The following DSCAML1 variants were observed in gnomAD, a reference collection of about 807,000 sequenced individuals.
The protein encoded by DSCAML1 is cell adhesion molecule DSCAML1.
DSCAML1 carries 38 observed loss-of-function variants against 200.5 expected under a neutral mutation model. That is an observed-to-expected ratio of 0.19 (90% CI 0.15 to 0.25). The LOEUF is 0.25. Ranked by LOEUF, DSCAML1 falls within the 10% of genes least tolerant of loss-of-function variation. The probability of loss-of-function intolerance (pLI) is 1.00; values close to 1 mark genes in which losing one functional copy is unlikely to be tolerated. For missense variants in DSCAML1, 2,223 were observed against 2,858.8 expected (o/e 0.78, Z 5.07); for synonymous variants, 1,215 against 1,165.0 (o/e 1.04, Z -0.87).
At chr11:117,756,980 T>C (rs773362694) in intron 3 of DSCAML1, among the ~76,000 whole-genome samples, 7 of 151,974 alleles carry the variant, frequency 4.6e-5, no homozygotes, top group East Asian at 1.9e-4. Context: ...GTGTGGGAGA[T>C]AGAAGAGGAT....
chr11:117,808,807 C>T (rs2055731081), intron 1 of DSCAML1, among the ~76,000 whole-genome samples: 1 of 152,210 alleles, frequency 6.6e-6, no homozygotes, highest in African/African-American at 2.4e-5. Context: ...CCTTGGTGAA[C>T]ACTGCTTCAT....
rs2049445613 is a variant in DSCAML1, at chr11:117,503,998, G to A, written c.2206C>T (p.His736Tyr). 1.2e-6 allele frequency: 2 copies of A among 1,614,144 alleles called. No homozygotes were observed. Among genetic ancestry groups the A allele is most frequent in the Non-Finnish European group, 1.7e-6 (2 of 1,180,016 alleles). Residue 736 changes from histidine (H) to tyrosine (Y), a missense_variant, in exon 11 of 33, where the codon CAC becomes TAC. Transcript: ENST00000651296. The surrounding 1 kb of genome is among the most constrained non-coding windows in gnomAD (Gnocchi z 5.2). ...ATGCGGCCAGTGAGGGGCACAGGGTGGTACTGCTGGGGGTTCCCGCTCCCT... is the reference window on the plus strand; with the variant it reads ...ATGCGGCCAGTGAGGGGCACAGGGTAGTACTGCTGGGGGTTCCCGCTCCCT... ...AKGSGNPQQY[H>Y]PVPLTGRIQI... is the part of the protein sequence containing the mutation.
chr11:117,740,420 A>T (rs1032657338), intron 3 of DSCAML1, among the ~76,000 whole-genome samples: 10 of 152,156 alleles, frequency 6.6e-5, no homozygotes, highest in African/African-American at 2.4e-4. Context: ...ACTGAGGTGG[A>T]GAGGAGGTTC....
At chr11:117,792,248 G>A (rs937588157) in intron 1 of DSCAML1, among the ~76,000 whole-genome samples, 2 of 152,138 alleles carry the variant, frequency 1.3e-5, no homozygotes, top group African/African-American at 4.8e-5. Flanking sequence ...CTGGATCAGT[G>A]GATATGCAGA....
At chr11:117,617,750 C>T (rs2051840998) in intron 3 of DSCAML1, among the ~76,000 whole-genome samples, 1 of 150,760 alleles carries the variant, frequency 6.6e-6, no homozygotes, top group Non-Finnish European at 1.5e-5. Context: ...CCTGAAGCAC[C>T]GTGACCCAGA....
intron 29 of DSCAML1, 40 bp downstream of exon 29, chr11:117,433,098 C>T: frequency 6.4e-7 from 1 of 1,567,262 alleles, no homozygotes. Context: ...TGGGGAAGCA[C>T]ACCCAGCAGG....
chr11:117,534,778 T>TA (rs1005989280), intron 3 of DSCAML1, among the ~76,000 whole-genome samples: 49 of 151,832 alleles, frequency 3.2e-4, no homozygotes, highest in Admixed American at 5.9e-4. Flanking sequence ...ACTGGCTAGC[T>TA]AAAAAAAAAT....
chr11:117,731,625 C>A (rs2054220952), intron 3 of DSCAML1, among the ~76,000 whole-genome samples: 1 of 152,258 alleles, frequency 6.6e-6, no homozygotes, highest in Admixed American at 6.5e-5. Context: ...CTCCTCCATA[C>A]TTCCTCGGGG....
intron 2 of DSCAML1, 52 bp from the exon 3 acceptor site, chr11:117,776,989 A>G: frequency 6.3e-7 from 1 of 1,598,410 alleles, no homozygotes; most frequent in Non-Finnish European, 8.5e-7. Flanking sequence ...GGATGTGGTG[A>G]GGGTCCCCAG....
intron 3 of DSCAML1, among the ~76,000 whole-genome samples, chr11:117,543,370 C>T (rs2050306441): frequency 6.6e-6 from 1 of 152,042 alleles, no homozygotes; most frequent in African/African-American, 2.4e-5. Flanking sequence ...TGTACCTGCA[C>T]TGGCATGTTG....
At chr11:117,627,441 G>A (rs1026828227) in intron 3 of DSCAML1, among the ~76,000 whole-genome samples, 5 of 152,006 alleles carry the variant, frequency 3.3e-5, no homozygotes, top group African/African-American at 9.7e-5. Flanking sequence ...CCTCTATGTC[G>A]TCCCCAGCCT....
chr11:117,529,092 AC>A (rs2050029259), intron 4 of DSCAML1, among the ~76,000 whole-genome samples: 1 of 151,544 alleles, frequency 6.6e-6, no homozygotes, highest in Non-Finnish European at 1.5e-5. Context: ...TATTTTGGAG[AC>A]AGAGTCTCAC....
Position 117,505,360 on chromosome 11 carries a change from T to C in DSCAML1, c.2062+94A>G, listed in dbSNP as rs1053771692. ...TCAAGATGCTGGAGCCCACCTTCCA[T>C]GAGCCCGTGATTGGAACTGGAAATC... is the stretch of plus-strand genomic sequence containing the variant. On this transcript the variant is annotated intron_variant, in intron 9 of 32. Transcript: ENST00000651296. The surrounding 1 kb of genome is among the most constrained non-coding windows in gnomAD (Gnocchi z 6.7). 2.2e-5 allele frequency: 33 copies of C among 1,492,966 alleles called. No individual in the cohort carries two copies. Among genetic ancestry groups the C allele is most frequent in the Admixed American group, 3.7e-5 (2 of 53,394 alleles). The allele number at this position is 1,492,966 out of a possible 1,614,324, so 92.5% of individuals were successfully genotyped here.
At chr11:117,693,447 A>G (rs1357762739) in intron 3 of DSCAML1, among the ~76,000 whole-genome samples, 1 of 152,162 alleles carries the variant, frequency 6.6e-6, no homozygotes, top group Admixed American at 6.5e-5. Context: ...TTTTACTCCA[A>G]AGCTTTATAA....
intron 3 of DSCAML1, among the ~76,000 whole-genome samples, chr11:117,542,996 G>C (rs1382243878): frequency 1.3e-5 from 2 of 152,202 alleles, no homozygotes; most frequent in African/African-American, 4.8e-5. Context: ...GGCAGAGGTT[G>C]GTCCCCTGGC....
intron 3 of DSCAML1, among the ~76,000 whole-genome samples, chr11:117,545,896 T>C (rs1225745052): frequency 6.6e-6 from 1 of 152,176 alleles, no homozygotes; most frequent in Non-Finnish European, 1.5e-5. Context: ...AGCGCAGATG[T>C]CAAGAGCAGC....
intron 8 of DSCAML1, among the ~76,000 whole-genome samples, chr11:117,507,410 GCACCC>G (rs897851643): frequency 4.6e-5 from 7 of 152,182 alleles, no homozygotes; most frequent in Non-Finnish European, 8.8e-5. Context: ...CGCCCTCAGG[GCACCC>G]CTGCACTTTC....
At chr11:117,769,550 A>T (rs1407637597) in intron 3 of DSCAML1, among the ~76,000 whole-genome samples, 298 of 2,192 alleles carry the variant, frequency 0.14, 9 homozygotes, top group South Asian at 0.37. Flanking sequence ...TATATATTTT[A>T]TATATATATT....
At chr11:117,484,903 GTGTGTGT>G (rs2049010213) in intron 11 of DSCAML1, among the ~76,000 whole-genome samples, 1 of 121,408 alleles carries the variant, frequency 8.2e-6, no homozygotes, top group Admixed American at 9.2e-5. Flanking sequence ...GTGTGTGTGT[GTGTGTGT>G]GTGTGTGTGT....
Sources: gnomAD v4.1 joint callset for allele counts (sites outside exome capture counted in the v4.1 genomes callset) on GRCh38, gnomAD v4.1.1 for gene constraint, Gnocchi (gnomAD v3.1) non-coding constraint, MANE v1.5 for transcripts, NCBI Gene and HGNC (gene_info 2026-07-23, HGNC 2026-07-21) for gene names.